Variants in C20orf203 observed in about 807,000 individuals in gnomAD.
The protein encoded by C20orf203 is uncharacterized protein C20orf203.
A neutral mutation model predicts 15.9 loss-of-function variants in C20orf203; 16 were observed. That is an observed-to-expected ratio of 1.01 (90% CI 0.68 to 1.53). The LOEUF (loss-of-function observed/expected upper bound fraction) is 1.53, where lower values mean the gene tolerates loss of function less well. Among genes scored for constraint, C20orf203 ranks in the 40% most tolerant of loss-of-function variants. C20orf203 has a pLI of 0.00. For synonymous variants in C20orf203, 98 were observed against 97.2 expected (o/e 1.01, Z -0.05); for missense variants, 263 against 247.5 (o/e 1.06, Z -0.42).
chr20:32,642,862 TC>T (rs1982321797), intron 4 of C20orf203, among the ~76,000 whole-genome samples: 3 of 152,080 alleles, frequency 2.0e-5, no homozygotes, highest in African/African-American at 7.2e-5. Context: ...TTACTCTCCA[TC>T]TCTGAGCCTC....
At chr20:32,638,936 A>G (rs963361110) in intron 5 of C20orf203, among the ~76,000 whole-genome samples, 1 of 152,246 alleles carries the variant, frequency 6.6e-6, no homozygotes, top group Non-Finnish European at 1.5e-5. Context: ...TGCGGTGTGC[A>G]ACTCAAGATG....
chr20:32,669,382 C>T (rs1352283070), intron 1 of C20orf203, among the ~76,000 whole-genome samples: 2 of 152,204 alleles, frequency 1.3e-5, no homozygotes, highest in East Asian at 1.9e-4. Flanking sequence ...TTCTGGCTGA[C>T]CTGCTCCCTT....
intron 1 of C20orf203, among the ~76,000 whole-genome samples, chr20:32,664,923 A>G (rs921165555): frequency 2.0e-5 from 3 of 152,222 alleles, no homozygotes; most frequent in Non-Finnish European, 2.9e-5. Context: ...TGATCGGCCA[A>G]GGTCACCGTG....
intron 1 of C20orf203, among the ~76,000 whole-genome samples, chr20:32,665,323 A>T (rs1982992282): frequency 6.6e-6 from 1 of 152,188 alleles, no homozygotes. Flanking sequence ...CCTCCTCCAG[A>T]CACCTGACAG....
At chr20:32,656,263 T>C (rs1982751046) in intron 1 of C20orf203, among the ~76,000 whole-genome samples, 1 of 152,202 alleles carries the variant, frequency 6.6e-6, no homozygotes, top group Non-Finnish European at 1.5e-5. Flanking sequence ...AAAGAAGACA[T>C]ACAAATGGCC....
At chr20:32,670,195 A>T (rs2145684044) in intron 1 of C20orf203, among the ~76,000 whole-genome samples, 1 of 143,296 alleles carries the variant, frequency 7.0e-6, no homozygotes, top group Admixed American at 6.9e-5. Flanking sequence ...GGGTAACAAC[A>T]GTGAAACTGC....
intron 1 of C20orf203, among the ~76,000 whole-genome samples, chr20:32,664,235 C>T (rs529569745): frequency 7.9e-5 from 12 of 152,242 alleles, no homozygotes; most frequent in Non-Finnish European, 1.6e-4. Context: ...ACCAAGTTCA[C>T]TTAAAAGCAG....
chr20:32,660,418 C>T (rs985855684), intron 1 of C20orf203, among the ~76,000 whole-genome samples: 1 of 152,210 alleles, frequency 6.6e-6, no homozygotes, highest in Admixed American at 6.5e-5. Context: ...ACTGGTCAAT[C>T]GGTTGGCCAG....
Position 32,653,049 on chromosome 20 carries a change from T to G in C20orf203, c.-263-1068A>C, listed in dbSNP as rs1040325988. The stretch of plus-strand genomic sequence containing the variant: ...TGGAAAATAGGCGCTGCTCTCAGCC[T>G]CCCCAGGGCACCCTGCACCCAAGCT... On this transcript the variant is annotated intron_variant, in intron 1 of 5. Transcript: ENST00000608990. 3.9e-5 allele frequency among the ~76,000 whole-genome samples: 6 copies of G among 152,210 alleles called. 1 individual carries two copies. Among genetic ancestry groups the G allele is most frequent in the African/African-American group, 1.2e-4 (5 of 41,532 alleles).
At position 32,652,301 on chromosome 20, in the gene C20orf203, C is replaced by A. The variant is rs146634435; in HGVS notation, c.-263-320G>T. On this transcript the variant is annotated intron_variant, in intron 1 of 5. Coordinates refer to ENST00000608990, the MANE Select transcript of C20orf203 (RefSeq NM_182584.4). ...CTGAGATCATGCACTTCAGCCTGGG[C>A]GACAGAGCAAGACTCCATCTCAAAA... Among the ~76,000 whole-genome samples, 230 of 115,756 alleles carry A rather than the reference C, an allele frequency of 2.0e-3. 1 individual carries two copies. In the Middle Eastern group the frequency reaches 0.081, roughly 41 times the overall value. 75.9% of individuals were successfully genotyped at this position (115,756 alleles called of 152,430 possible). A position where few individuals can be genotyped will look rare whatever the true frequency, so the allele number is the denominator to read the frequency against.
chr20:32,637,849 C>T (rs1056876059), intron 5 of C20orf203, among the ~76,000 whole-genome samples: 3 of 152,154 alleles, frequency 2.0e-5, no homozygotes, highest in South Asian at 2.1e-4. Context: ...GTGCCCTCTG[C>T]GTCACTGTGT....
In C20orf203 at chr20:32,660,963, G is replaced by A. The variant is rs563470289; in HGVS notation, c.-263-8982C>T. Among the ~76,000 whole-genome samples, 4 of 152,246 alleles carry A rather than the reference G, an allele frequency of 2.6e-5. No homozygotes were observed. In the South Asian group the frequency reaches 6.2e-4, roughly 24 times the overall value. On this transcript the variant is annotated intron_variant, in intron 1 of 5. Coordinates refer to ENST00000608990, the MANE Select transcript of C20orf203 (RefSeq NM_182584.4). ...ATGGGGGTAACTGCCTCCATGATTC[G>A]ATTACCTCCCACTGGGTCCCTCCCA...
At chr20:32,642,095 C>T (rs927659745) in intron 4 of C20orf203, among the ~76,000 whole-genome samples, 1 of 152,234 alleles carries the variant, frequency 6.6e-6, no homozygotes, top group Non-Finnish European at 1.5e-5. Context: ...CCTGCCTTGG[C>T]CTCCCAAAGT....
intron 4 of C20orf203, among the ~76,000 whole-genome samples, chr20:32,648,471 C>A (rs1349085551): frequency 8.0e-6 from 1 of 124,540 alleles, no homozygotes; most frequent in African/African-American, 3.1e-5. Flanking sequence ...GACAGAGTCT[C>A]GCTCTGTCGC....
intron 5 of C20orf203, among the ~76,000 whole-genome samples, chr20:32,634,777 A>G (rs1413187954): frequency 1.3e-5 from 2 of 152,090 alleles, no homozygotes; most frequent in African/African-American, 4.8e-5. Flanking sequence ...GAGGCAAACT[A>G]TTTTTTATTA....
chr20:32,665,860 C>T (rs990309953), intron 1 of C20orf203, among the ~76,000 whole-genome samples: 9 of 152,026 alleles, frequency 5.9e-5, no homozygotes, highest in African/African-American at 1.7e-4. Flanking sequence ...CGCTTGAACC[C>T]GAGAGGCAGA....
In C20orf203 at chr20:32,631,767, C is replaced by T. The variant is rs1454692310; in HGVS notation, c.*3803G>A. The T allele has an allele frequency of 6.6e-6, 1 of 152,208 alleles. No homozygotes were observed. Among genetic ancestry groups the T allele is most frequent in the Admixed American group, 6.5e-5 (1 of 15,280 alleles). 9.4% of individuals were successfully genotyped at this position (152,208 alleles called of 1,614,324 possible). Reference sequence around the variant, plus strand: ...TGGCCACATGGCTGGGAGCCTGAAGCAGGGCTCAGTCTGGGCGCTCATAAG... The same window carrying T: ...TGGCCACATGGCTGGGAGCCTGAAGTAGGGCTCAGTCTGGGCGCTCATAAG... On this transcript the variant is annotated 3_prime_UTR_variant, in exon 6 of 6. Transcript: ENST00000608990.
At chr20:32,668,292 A>G (rs1983081357) in intron 1 of C20orf203, among the ~76,000 whole-genome samples, 1 of 152,138 alleles carries the variant, frequency 6.6e-6, no homozygotes, top group Non-Finnish European at 1.5e-5. Flanking sequence ...CCAATGTTAC[A>G]CAGCAAACCT....
At chr20:32,650,976 A>C in intron 3 of C20orf203, 42 bp downstream of exon 3, 2 of 1,447,210 alleles carry the variant, frequency 1.4e-6, no homozygotes, top group Non-Finnish European at 1.8e-6. Context: ...AACAGTCCCC[A>C]GTGTCAGCCC....
Sources: gnomAD v4.1 joint callset for allele counts (sites outside exome capture counted in the v4.1 genomes callset) on GRCh38, gnomAD v4.1.1 for gene constraint, MANE v1.5 for transcripts, NCBI Gene and HGNC (gene_info 2026-07-23, HGNC 2026-07-21) for gene names.